ME1: variants seen among roughly 807,000 people sequenced by gnomAD.
The protein encoded by ME1 is malic enzyme 1.
A neutral mutation model predicts 66.4 loss-of-function variants in ME1; 74 were observed. The ratio of observed to expected loss-of-function variants is 1.11; its 90% CI spans 0.92 to 1.35. The LOEUF (loss-of-function observed/expected upper bound fraction) is 1.35, where lower values mean the gene tolerates loss of function less well. ME1 is among the 40% of genes most tolerant of loss of function. ME1 has a pLI of 0.00. For synonymous variants in ME1, 251 were observed against 235.6 expected (o/e 1.07, Z -0.60); for missense variants, 750 against 694.1 (o/e 1.08, Z -0.90).
intron 6 of ME1, among the ~76,000 whole-genome samples, chr6:83,283,227 C>CAAAAAAAAAAAAAAAAAAAAA (rs71545854): frequency 1.4e-3 from 40 of 28,862 alleles, no homozygotes; most frequent in East Asian, 2.1e-3. Context: ...GACTCCGTCT[C>CAAAAAAAAAAAAAAAAAAAAA]AAAAAAAAAA....
intron 3 of ME1, among the ~76,000 whole-genome samples, chr6:83,359,733 T>C (rs1414881482): frequency 1.3e-5 from 2 of 152,174 alleles, no homozygotes; most frequent in Non-Finnish European, 2.9e-5. Flanking sequence ...GTCCAGAAGA[T>C]ATACCCTTGA....
At chr6:83,296,153 T>C (rs78366486) in intron 6 of ME1, among the ~76,000 whole-genome samples, 1,821 of 152,278 alleles carry the variant, frequency 0.012, 21 homozygotes, top group Admixed American at 0.021. Context: ...AGTCTTCTCC[T>C]CATTCTATGA....
At chr6:83,250,775 T>A (rs528688285) in intron 7 of ME1, among the ~76,000 whole-genome samples, 1 of 152,310 alleles carries the variant, frequency 6.6e-6, no homozygotes, top group South Asian at 2.1e-4. Flanking sequence ...ACCTACCAAC[T>A]CCTTAGTTCA....
At chr6:83,340,600 A>G (rs773366131) in intron 5 of ME1, among the ~76,000 whole-genome samples, 1 of 152,034 alleles carries the variant, frequency 6.6e-6, no homozygotes. Context: ...CATGAGCAAA[A>G]CACAGAAACA....
At chr6:83,286,700 A>C (rs1767402401) in intron 6 of ME1, among the ~76,000 whole-genome samples, 2 of 152,180 alleles carry the variant, frequency 1.3e-5, no homozygotes, top group South Asian at 4.1e-4. Flanking sequence ...TTAAGAGAAA[A>C]ACACAAAGAA....
chr6:83,284,495 G>A (rs576938511), intron 6 of ME1, among the ~76,000 whole-genome samples: 9 of 152,060 alleles, frequency 5.9e-5, no homozygotes, highest in South Asian at 4.2e-4. Context: ...AAAAATGCTC[G>A]ACAAAATACT....
intron 3 of ME1, among the ~76,000 whole-genome samples, chr6:83,359,446 G>A (rs1435565601): frequency 6.6e-6 from 1 of 152,134 alleles, no homozygotes; most frequent in East Asian, 1.9e-4. Context: ...GAATAATGTT[G>A]GAAGGAAAAT....
chr6:83,282,858 C>G (rs1583355883), intron 6 of ME1, among the ~76,000 whole-genome samples: 1 of 152,094 alleles, frequency 6.6e-6, no homozygotes, highest in East Asian at 1.9e-4. Flanking sequence ...TGGAACCAAC[C>G]CAAATGTCCA....
chr6:83,398,727 C>G lies in ME1; in HGVS notation c.213-211G>C, dbSNP rs12216198. ...TGGTTCATGCCTGTAATCCCAGCAC[C>G]TTGGGAGGCTGAGGTGGGCGGATCA... is the stretch of plus-strand genomic sequence containing the variant. On this transcript the variant is annotated intron_variant, in intron 2 of 13. Coordinates refer to ENST00000369705, the MANE Select transcript of ME1 (RefSeq NM_002395.6). Among the ~76,000 whole-genome samples the G allele has an allele frequency of 6.2e-3, 938 of 152,018 alleles. 10 individuals carry two copies. Among genetic ancestry groups the G allele is most frequent in the South Asian group, 0.026 (124 of 4,808 alleles).
At chr6:83,285,705 G>C (rs942600580) in intron 6 of ME1, among the ~76,000 whole-genome samples, 1 of 152,150 alleles carries the variant, frequency 6.6e-6, no homozygotes, top group African/African-American at 2.4e-5. Flanking sequence ...AGGTGGGAGT[G>C]CACCTGAAGT....
intron 3 of ME1, among the ~76,000 whole-genome samples, chr6:83,386,129 A>G (rs1241166985): frequency 6.6e-6 from 1 of 151,956 alleles, no homozygotes; most frequent in East Asian, 1.9e-4. Flanking sequence ...AAATAATATT[A>G]CAGAATAAGT....
At chr6:83,361,383 C>T (rs1769004563) in intron 3 of ME1, among the ~76,000 whole-genome samples, 1 of 152,250 alleles carries the variant, frequency 6.6e-6, no homozygotes, top group Admixed American at 6.5e-5. Flanking sequence ...ACACATTCCT[C>T]ATTTGGGTGT....
chr6:83,322,852 C>T (rs1053659352), intron 5 of ME1, among the ~76,000 whole-genome samples: 62 of 152,190 alleles, frequency 4.1e-4, no homozygotes, highest in African/African-American at 1.5e-3. Context: ...GATGCATAAT[C>T]GTCAGATCCA....
At chr6:83,354,230 G>A (rs931015793) in intron 3 of ME1, among the ~76,000 whole-genome samples, 18 of 152,142 alleles carry the variant, frequency 1.2e-4, no homozygotes, top group African/African-American at 7.2e-5. Flanking sequence ...GGGTTCAAGC[G>A]ATTCTCCTGC....
chr6:83,232,915 T>TAAAAA (rs928244946), intron 9 of ME1, among the ~76,000 whole-genome samples: 13 of 152,212 alleles, frequency 8.5e-5, no homozygotes, highest in African/African-American at 3.1e-4. Context: ...CAAAATTATT[T>TAAAAA]AAAACAAAAC....
chr6:83,266,572 A>G lies in ME1; in HGVS notation c.705-12834T>C, dbSNP rs1046994724. ...CAGTATTATTGTCTAACACTAATCA[A>G]AATTAAATACTAATTAAAATATTAT... On this transcript the variant is annotated intron_variant, in intron 6 of 13. Transcript: ENST00000369705. Among the ~76,000 whole-genome samples, 3 of 152,332 alleles carry G rather than the reference A, an allele frequency of 2.0e-5. No individual in the cohort carries two copies. In the East Asian group the frequency reaches 5.8e-4, roughly 29 times the overall value.
intron 6 of ME1, among the ~76,000 whole-genome samples, chr6:83,280,716 G>C (rs1231155152): frequency 6.6e-6 from 1 of 151,934 alleles, no homozygotes; most frequent in Non-Finnish European, 1.5e-5. Flanking sequence ...AACAACTACA[G>C]TAGCTAAACA....
At chr6:83,274,321 A>C (rs1767136608) in intron 6 of ME1, among the ~76,000 whole-genome samples, 1 of 152,170 alleles carries the variant, frequency 6.6e-6, no homozygotes, top group Non-Finnish European at 1.5e-5. Context: ...TAGATGGAAA[A>C]AGTGAAGTAC....
intron 1 of ME1, among the ~76,000 whole-genome samples, chr6:83,417,508 G>C (rs933596622): frequency 3.3e-5 from 5 of 152,080 alleles, no homozygotes; most frequent in African/African-American, 1.2e-4. Context: ...AGCCTCCTAA[G>C]CAGGTGGGAC....
Sources: gnomAD v4.1 joint callset for allele counts (sites outside exome capture counted in the v4.1 genomes callset) on GRCh38, gnomAD v4.1.1 for gene constraint, MANE v1.5 for transcripts, NCBI Gene and HGNC (gene_info 2026-07-23, HGNC 2026-07-21) for gene names.